The following ZBTB41 variants were observed in gnomAD, a reference collection of about 807,000 sequenced individuals.
ZBTB41 encodes the protein zinc finger and BTB domain-containing protein 41.
ZBTB41 carries 42 observed loss-of-function variants against 87.6 expected under a neutral mutation model. The observed-to-expected ratio is 0.48, with a 90% CI of 0.37 to 0.62. The LOEUF (loss-of-function observed/expected upper bound fraction) is 0.62. ZBTB41 is among the 20% of genes least tolerant of loss of function. ZBTB41 has a pLI of 0.00. For synonymous variants in ZBTB41, 364 were observed against 364.0 expected (o/e 1.00, Z 0.00); for missense variants, 799 against 1,078.9 (o/e 0.74, Z 3.63).
At chr1:197,185,313 G>A (rs1659855425) in intron 5 of ZBTB41, among the ~76,000 whole-genome samples, 1 of 151,922 alleles carries the variant, frequency 6.6e-6, no homozygotes, top group African/African-American at 2.4e-5. Flanking sequence ...ACATGGAGAG[G>A]ACCTCTACCT....
Position 197,159,726 on chromosome 1 carries a change from G to C in ZBTB41, c.2363C>G (p.Pro788Arg). Reference protein sequence around the residue: ...QTETKQYMDQPKVYQSEAKTM... With the variant: ...QTETKQYMDQRKVYQSEAKTM... ...CTTGGCTTCCGACTGATAAACTTTG[G>C]GCTGGTCCATATATTGTTTTGTTTC... The change falls in exon 11 of 11, where the codon CCC (proline) becomes CGC (arginine). Residue 788 changes from proline (P) to arginine (R), a missense_variant. By Grantham distance (103) the Pro-to-Arg change is moderately radical (BLOSUM62 -2). This residue lies in a region of ZBTB41 where 171 missense variants were observed against 191.9 expected (regional missense o/e 0.89). Coordinates refer to ENST00000367405, the MANE Select transcript of ZBTB41 (RefSeq NM_194314.3). 1 of 1,613,922 alleles carries C rather than the reference G, an allele frequency of 6.2e-7. No homozygotes were observed. Among genetic ancestry groups the C allele is most frequent in the East Asian group, 2.2e-5 (1 of 44,874 alleles).
In ZBTB41 at chr1:197,200,538, TAGATTGTCTTGGATAACAGCTTCTG is replaced by T. The variant is rs1465625024; in HGVS notation, c.-90_-66del. ...TCTTAAGTGATTTATAAAGGAAAAC[TAGATTGTCTTGGATAACAGCTTCTG>T]AAGGGGCGTGCCCAAGGGTTTCATG... is the stretch of plus-strand genomic sequence containing the variant. On this transcript the variant is annotated 5_prime_UTR_variant, in exon 2 of 11. It introduces an in-frame stop codon into an upstream open reading frame of the 5' UTR. Coordinates refer to ENST00000367405, the MANE Select transcript of ZBTB41 (RefSeq NM_194314.3). 1 of 1,466,480 alleles carries T rather than the reference TAGATTGTCTTGGATAACAGCTTCTG, an allele frequency of 6.8e-7. No homozygotes were observed. The highest frequency in any genetic ancestry group is 1.4e-5 in the South Asian group (1 of 70,176). 90.8% of individuals were successfully genotyped at this position (1,466,480 alleles called of 1,614,324 possible).
chr1:197,183,677 C>T (rs1384506508), intron 5 of ZBTB41, among the ~76,000 whole-genome samples: 4 of 152,192 alleles, frequency 2.6e-5, no homozygotes, highest in Non-Finnish European at 4.4e-5. Flanking sequence ...GCTGATCATA[C>T]ATTTAGCAGT....
In ZBTB41 at chr1:197,159,579, T is replaced by G. The variant is rs1372393444; in HGVS notation, c.2510A>C (p.Glu837Ala). 1 of 1,613,960 alleles carries G rather than the reference T, an allele frequency of 6.2e-7. No homozygotes were observed. The highest frequency in any genetic ancestry group is 1.1e-5 in the South Asian group (1 of 91,082). ...HTTTLPPSSH[E>A]ILSPQPQSTD... ...TGACTGTGGCTGTGGTGACAGAATCTCATGAGAAGATGGTGGGAGTGTGGT... is the reference window on the plus strand; with the variant it reads ...TGACTGTGGCTGTGGTGACAGAATCGCATGAGAAGATGGTGGGAGTGTGGT... The change falls in exon 11 of 11, where the codon GAG (glutamate) becomes GCG (alanine). Residue 837 changes from glutamate (E) to alanine (A), a missense_variant. Physicochemically the swap from Glu to Ala is moderately radical, Grantham distance 107 (BLOSUM62 -1). Around this residue, in one of 5 missense-constraint regions of ZBTB41, gnomAD observed 171 missense variants for 191.9 expected, o/e 0.89. Coordinates refer to ENST00000367405, the MANE Select transcript of ZBTB41 (RefSeq NM_194314.3).
chr1:197,187,061 C>T (rs1659903970), intron 5 of ZBTB41, among the ~76,000 whole-genome samples: 1 of 152,032 alleles, frequency 6.6e-6, no homozygotes, highest in Admixed American at 6.6e-5. Context: ...ACAGAAAACA[C>T]CAAATGCTGG....
intron 2 of ZBTB41, among the ~76,000 whole-genome samples, chr1:197,198,443 T>C (rs566621084): frequency 6.6e-6 from 1 of 152,294 alleles, no homozygotes; most frequent in South Asian, 2.1e-4. Flanking sequence ...CATATGGGGA[T>C]ATATTAAACT....
chr1:197,163,279 A>C (rs979268169), intron 10 of ZBTB41, among the ~76,000 whole-genome samples: 2 of 152,164 alleles, frequency 1.3e-5, no homozygotes, highest in Admixed American at 6.5e-5. Context: ...ACAAAATCTA[A>C]AGTTCAATAC....
chr1:197,196,022 C>T (rs1306394599), intron 2 of ZBTB41, among the ~76,000 whole-genome samples: 1 of 152,084 alleles, frequency 6.6e-6, no homozygotes, highest in Non-Finnish European at 1.5e-5. Flanking sequence ...CTTACAAGCC[C>T]AAAGTCAAGC....
intron 6 of ZBTB41, among the ~76,000 whole-genome samples, chr1:197,179,312 T>C (rs1447621012): frequency 6.6e-6 from 1 of 152,086 alleles, no homozygotes; most frequent in Non-Finnish European, 1.5e-5. Context: ...ACACAATTCC[T>C]ATAACCTAGT....
intron 10 of ZBTB41, among the ~76,000 whole-genome samples, chr1:197,164,842 T>TATATAATACGTATCTA: frequency 1.1e-5 from 1 of 87,400 alleles, no homozygotes; most frequent in Non-Finnish European, 2.5e-5. Flanking sequence ...TAATATATTA[T>TATATAATACGTATCTA]ATATATTATA....
intron 5 of ZBTB41, among the ~76,000 whole-genome samples, chr1:197,187,153 A>C (rs1333154124): frequency 6.6e-6 from 1 of 152,224 alleles, no homozygotes; most frequent in African/African-American, 2.4e-5. Context: ...AGTTTCTTAC[A>C]AACTAATTAT....
At chr1:197,186,404 A>G (rs1013204531) in intron 5 of ZBTB41, among the ~76,000 whole-genome samples, 1 of 152,248 alleles carries the variant, frequency 6.6e-6, no homozygotes, top group African/African-American at 2.4e-5. Context: ...TGAAAGAAAC[A>G]ATGGATAAAT....
intron 5 of ZBTB41, among the ~76,000 whole-genome samples, chr1:197,182,555 G>T (rs536164110): frequency 6.6e-6 from 1 of 152,044 alleles, no homozygotes; most frequent in Non-Finnish European, 1.5e-5. Flanking sequence ...GATTACAGAC[G>T]TGAGTCACCA....
chr1:197,166,893 C>A (rs1363577325), intron 10 of ZBTB41, among the ~76,000 whole-genome samples: 1 of 151,990 alleles, frequency 6.6e-6, no homozygotes, highest in Non-Finnish European at 1.5e-5. Flanking sequence ...CCTTTCCCTA[C>A]AGAAAACAAA....
chr1:197,169,590 T>C (rs1397649551), intron 10 of ZBTB41, among the ~76,000 whole-genome samples: 2 of 152,046 alleles, frequency 1.3e-5, no homozygotes, highest in Non-Finnish European at 2.9e-5. Flanking sequence ...AGAATCCTTC[T>C]GAAATCTTGG....
chr1:197,172,206 A>G lies in ZBTB41; in HGVS notation c.2028T>C (p.Ile676=). 2 of 1,436,958 alleles carry G rather than the reference A, an allele frequency of 1.4e-6. No individual in the cohort carries two copies. The highest frequency in any genetic ancestry group is 1.8e-6 in the Non-Finnish European group (2 of 1,083,694). The allele number at this position is 1,436,958 out of a possible 1,614,324, so 89.0% of individuals were successfully genotyped here. A position where few individuals can be genotyped will look rare whatever the true frequency, so the allele number is the denominator to read the frequency against. ...TTTCCAGACTTGATTTGCCTTTAAAAATTTTCTTACAAACATCACATTGAT... is the reference window on the plus strand; with the variant it reads ...TTTCCAGACTTGATTTGCCTTTAAAGATTTTCTTACAAACATCACATTGAT... ...TFHQCDVCKK[I]FKGKSSLEMH... is the part of the protein sequence containing the mutation. Residue 676 remains isoleucine (I), a synonymous_variant, in exon 10 of 11, where the codon ATT becomes ATC. Coordinates refer to ENST00000367405, the MANE Select transcript of ZBTB41 (RefSeq NM_194314.3).
chr1:197,173,821 G>A (rs868221772), intron 9 of ZBTB41, among the ~76,000 whole-genome samples: 9 of 152,216 alleles, frequency 5.9e-5, no homozygotes, highest in Admixed American at 2.6e-4. Flanking sequence ...AGTAGTACTC[G>A]ACTGGGGGCA....
At position 197,199,754 on chromosome 1, in the gene ZBTB41, C is replaced by G; in HGVS notation, c.720G>C (p.Gly240=). 6.2e-7 allele frequency: 1 copy of G among 1,613,296 alleles called. No homozygotes were observed. The part of the protein sequence containing the change: ...HRSLLLGKKH[G]LKMLERSFSA... ...AGAAACTTCTCTCCAGCATTTTTAACCCATGTTTTTTCCCTAATAAAAGGG... is the reference window on the plus strand; with the variant it reads ...AGAAACTTCTCTCCAGCATTTTTAAGCCATGTTTTTTCCCTAATAAAAGGG... The change falls in exon 2 of 11, where the codon GGG becomes GGC. Residue 240 remains glycine (G), a synonymous_variant. Coordinates refer to ENST00000367405, the MANE Select transcript of ZBTB41 (RefSeq NM_194314.3).
chr1:197,200,920 T>C (rs759916012), intron 1 of ZBTB41, among the ~76,000 whole-genome samples: 6 of 151,772 alleles, frequency 4.0e-5, no homozygotes, highest in Non-Finnish European at 7.4e-5. Context: ...GGTTTAGGGG[T>C]GCTGGGATGG....
Sources: gnomAD v4.1 joint callset for allele counts (sites outside exome capture counted in the v4.1 genomes callset) on GRCh38, gnomAD v4.1.1 for gene constraint, gnomAD v4.1.1 regional missense constraint, MANE v1.5 for transcripts, NCBI Gene and HGNC (gene_info 2026-07-23, HGNC 2026-07-21) for gene names.